Variants in PFKL observed in about 807,000 individuals in gnomAD.
The protein encoded by PFKL is phosphofructokinase, liver type.
Under a neutral mutation model 92.1 loss-of-function variants are expected in PFKL, and 74 were observed. That is an observed-to-expected ratio of 0.80 (90% CI 0.67 to 0.97). PFKL has a LOEUF of 0.97. Among genes scored for constraint, PFKL ranks in the 50% least tolerant of loss-of-function variants. PFKL has a pLI of 0.00. For missense variants in PFKL, 1,028 were observed against 1,116.6 expected, an observed-to-expected ratio of 0.92 and a Z score of 1.13; for synonymous variants, 494 against 456.4, an observed-to-expected ratio of 1.08 and a Z score of -1.05.
chr21:44,312,032 G>T, intron 3 of PFKL, 73 bp from the exon 4 acceptor site: 1 of 1,238,126 alleles, frequency 8.1e-7, no homozygotes, highest in Non-Finnish European at 1.1e-6. Flanking sequence ...CAGTCCTGGG[G>T]TCCCTCTGGT....
At position 44,326,711 on chromosome 21, in the gene PFKL, A is replaced by T. The variant is rs774739224; in HGVS notation, c.2196-4A>T. 3 of 1,611,538 alleles carry T rather than the reference A, an allele frequency of 1.9e-6. No individual in the cohort carries two copies. Among genetic ancestry groups the T allele is most frequent in the Non-Finnish European group, 2.5e-6 (3 of 1,179,396 alleles). On this transcript the variant is annotated splice_region_variant and splice_polypyrimidine_tract_variant and intron_variant, in intron 21 of 21. Coordinates refer to ENST00000349048, the MANE Select transcript of PFKL (RefSeq NM_002626.6). ...CATCATCCTCCCATCCCCGTCCTGCACAGGCACCGCATGCCACGGGAGCAG... is the reference window on the plus strand; with the variant it reads ...CATCATCCTCCCATCCCCGTCCTGCTCAGGCACCGCATGCCACGGGAGCAG...
Position 44,324,656 on chromosome 21 carries a change from G to A in PFKL, c.1815+1G>A. On this transcript the variant is annotated splice_donor_variant, in intron 17 of 21. Coordinates refer to ENST00000349048, the MANE Select transcript of PFKL (RefSeq NM_002626.6). LOFTEE classifies it high-confidence loss of function. ...CCCTTTCAACATCCACGACTTAAAG[G>A]TGAGCCCAGCCCAGCCCCTGCTGCG... 1 of 1,584,262 alleles carries A rather than the reference G, an allele frequency of 6.3e-7. No individual in the cohort carries two copies. Among genetic ancestry groups the A allele is most frequent in the East Asian group, 2.2e-5 (1 of 44,570 alleles).
At position 44,317,892 on chromosome 21, in the gene PFKL, C is replaced by T. The variant is rs139414834; in HGVS notation, c.937-578C>T. ...GAACACGGAGGGCTGTCTGTGGCCCCGGGGGTCCAGCTGCTGGGCTTCTAC... is the reference window on the plus strand; with the variant it reads ...GAACACGGAGGGCTGTCTGTGGCCCTGGGGGTCCAGCTGCTGGGCTTCTAC... On this transcript the variant is annotated intron_variant, in intron 9 of 21. Coordinates refer to ENST00000349048, the MANE Select transcript of PFKL (RefSeq NM_002626.6). 3.5e-4 allele frequency among the ~76,000 whole-genome samples: 54 copies of T among 152,288 alleles called. No individual in the cohort carries two copies. In the East Asian group the frequency reaches 6.2e-3, roughly 17 times the overall value.
At chr21:44,304,600 G>A (rs2040874944) in intron 1 of PFKL, 2 of 978,014 alleles carry the variant, frequency 2.0e-6, no homozygotes, top group African/African-American at 2.0e-5. Context: ...TGCACTCACA[G>A]CACCACCTTG....
chr21:44,305,188 T>C (rs2040896718), intron 1 of PFKL: 2 of 1,178,822 alleles, frequency 1.7e-6, no homozygotes, highest in Admixed American at 2.5e-5. Context: ...ATTCCTGTAG[T>C]GTGGGGATGG....
intron 1 of PFKL, among the ~76,000 whole-genome samples, chr21:44,303,441 A>AAAAAAAAAAACAAAAGACTTGATCG (rs1555874963): frequency 1.0e-5 from 1 of 97,096 alleles, no homozygotes; most frequent in Non-Finnish European, 1.9e-5. Context: ...ACCAAAAAAA[A>AAAAAAAAAAACAAAAGACTTGATCG]AAAAAAAAAA....
chr21:44,326,642 G>T, intron 21 of PFKL, 73 bp from the exon 22 acceptor site: 1 of 969,790 alleles, frequency 1.0e-6, no homozygotes, highest in Non-Finnish European at 1.5e-6. Flanking sequence ...GGGGGTGGGG[G>T]GGCTGGGGAC....
In PFKL at chr21:44,314,006, T is replaced by C. The variant is rs2146466879; in HGVS notation, c.732T>C (p.Cys244=). ...AGGACGGCTGGGAGAACTTCATGTG[T>C]GAGAGGCTGGGTGAGGTGGGTGCCG... is the stretch of plus-strand genomic sequence containing the variant. ...PPEDGWENFM[C]ERLGETRSRG... Residue 244 remains cysteine (C), a synonymous_variant, in exon 7 of 22, where the codon TGT becomes TGC. Coordinates refer to ENST00000349048, the MANE Select transcript of PFKL (RefSeq NM_002626.6). 1.2e-6 allele frequency: 2 copies of C among 1,605,740 alleles called. No homozygotes were observed. Among genetic ancestry groups the C allele is most frequent in the Non-Finnish European group, 1.7e-6 (2 of 1,177,236 alleles).
At chr21:44,325,521 C>T (rs768749266) in intron 19 of PFKL, 26 of 564,550 alleles carry the variant, frequency 4.6e-5, no homozygotes, top group African/African-American at 4.1e-4. Flanking sequence ...CCACCCCTGC[C>T]AGGCCTCCCG....
At chr21:44,323,238 CGA>C (rs2047405827) in intron 15 of PFKL, among the ~76,000 whole-genome samples, 189 bp downstream of exon 15, 1 of 151,864 alleles carries the variant, frequency 6.6e-6, no homozygotes, top group Non-Finnish European at 1.5e-5. Flanking sequence ...ATGCAGGGGC[CGA>C]GAGGGTTGGG....
intron 2 of PFKL, among the ~76,000 whole-genome samples, chr21:44,309,914 C>G (rs2041065866): frequency 6.6e-6 from 1 of 152,236 alleles, no homozygotes; most frequent in Non-Finnish European, 1.5e-5. Context: ...TGGGGATGTT[C>G]ATGCGCCCCG....
chr21:44,318,085 C>T (rs1168215127), intron 9 of PFKL, among the ~76,000 whole-genome samples: 1 of 152,256 alleles, frequency 6.6e-6, no homozygotes, highest in East Asian at 1.9e-4. Context: ...GGTGCGGACA[C>T]ACACCAGGGA....
rs563378995 is a variant in PFKL at position 44,306,621 on chromosome 21, A to AG, written c.86-57dup. The AG allele has an allele frequency of 2.3e-4, 329 of 1,401,896 alleles. 4 individuals are homozygous for AG. In the African/African-American group the frequency reaches 4.1e-3, roughly 17 times the overall value. The allele number at this position is 1,401,896 out of a possible 1,614,324, so 86.8% of individuals were successfully genotyped here. A position where few individuals can be genotyped will look rare whatever the true frequency, so the allele number is the denominator to read the frequency against. ...CTACCCCCTGTCCTCTGAGATGGGGAGGGTGTCCAGGGCCTTGCTTCTCAG... is the reference window on the plus strand; with the variant it reads ...CTACCCCCTGTCCTCTGAGATGGGGAGGGGTGTCCAGGGCCTTGCTTCTCAG... On this transcript the variant is annotated intron_variant, in intron 1 of 21. Transcript: ENST00000349048.
At chr21:44,326,566 C>T (rs935174084) in intron 21 of PFKL, 149 bp from the exon 22 acceptor site, 21 of 1,109,964 alleles carry the variant, frequency 1.9e-5, no homozygotes, top group Non-Finnish European at 2.6e-5. Flanking sequence ...GGACCCCAGA[C>T]CTGTCCCAGC....
In PFKL at chr21:44,312,114, A is replaced by G. The variant is rs1333302244; in HGVS notation, c.247A>G (p.Ile83Val). The change falls in exon 4 of 22, where the codon ATC becomes GTC. Residue 83 changes from isoleucine (I) to valine (V), a missense_variant. Physicochemically the swap from Ile to Val is conservative, Grantham distance 29. Coordinates refer to ENST00000349048, the MANE Select transcript of PFKL (RefSeq NM_002626.6). ...GGTCTCCTCTGTGCAGGGCGGCACT[A>G]TCATTGGCAGCGCTCGCTGCAAGGC... ...VSNIIQLGGT[I>V]IGSARCKAFT... The G allele has an allele frequency of 7.1e-6, 11 of 1,555,694 alleles. No individual in the cohort carries two copies. The highest frequency in any genetic ancestry group is 4.8e-5 in the East Asian group (2 of 41,438).
At chr21:44,312,798 A>T (rs1263662934) in intron 4 of PFKL, among the ~76,000 whole-genome samples, 180 bp from the exon 5 acceptor site, 1 of 152,150 alleles carries the variant, frequency 6.6e-6, no homozygotes, top group African/African-American at 2.4e-5. Context: ...ACTTGGCCCC[A>T]GCGGATCCAG....
chr21:44,306,584 T>C (rs1240726836), intron 1 of PFKL, 97 bp from the exon 2 acceptor site: 2 of 1,052,706 alleles, frequency 1.9e-6, no homozygotes, highest in East Asian at 5.2e-5. Context: ...GGACAGGGTG[T>C]CCAGGCCTCC....
chr21:44,324,544 CG>C lies in PFKL; in HGVS notation c.1705del (p.Val569TrpfsTer14). On this transcript the variant is annotated frameshift_variant, in exon 17 of 22. Transcript: ENST00000349048. LOFTEE classifies it high-confidence loss of function. ...ASGTKRRVFI[V>X]ETMGGYCGYL... The stretch of plus-strand genomic sequence containing the variant: ...CGGGGACCAAGCGCCGTGTGTTCAT[CG>C]TGGAGACCATGGGGGGTTACTGTGG... 1 of 1,613,478 alleles carries C rather than the reference CG, an allele frequency of 6.2e-7. No individual in the cohort carries two copies. Among genetic ancestry groups the C allele is most frequent in the Non-Finnish European group, 8.5e-7 (1 of 1,179,906 alleles).
chr21:44,322,192 G>C lies in PFKL; in HGVS notation c.1398G>C (p.Leu466=). ...AGWLGRGGSM[L]GTKRTLPKGQ... ...GGTTGGGGCGTGGTGGCTCCATGCT[G>C]GGGACCAAGAGGTGAGCTGCCTGCT... The change falls in exon 14 of 22, where the codon CTG becomes CTC. Residue 466 remains leucine, a synonymous_variant. Coordinates refer to ENST00000349048, the MANE Select transcript of PFKL (RefSeq NM_002626.6). 6.2e-7 allele frequency: 1 copy of C among 1,602,794 alleles called. No homozygotes were observed. Among genetic ancestry groups the C allele is most frequent in the Non-Finnish European group, 8.5e-7 (1 of 1,178,156 alleles).
Sources: gnomAD v4.1 joint callset for allele counts (sites outside exome capture counted in the v4.1 genomes callset) on GRCh38, gnomAD v4.1.1 for gene constraint, MANE v1.5 for transcripts, NCBI Gene and HGNC (gene_info 2026-07-23, HGNC 2026-07-21) for gene names.